The following MAGI2 variants were observed in gnomAD, a reference collection of about 807,000 sequenced individuals.
MAGI2 encodes the protein membrane-associated guanylate kinase, WW and PDZ domain-containing protein 2.
In MAGI2, 35 loss-of-function variants were observed where a neutral mutation model predicts 133.3. The ratio of observed to expected loss-of-function variants is 0.26; its 90% CI spans 0.20 to 0.35. The LOEUF is 0.35. MAGI2 is among the 10% of genes least tolerant of loss of function. The pLI is 1.00. For missense variants in MAGI2, 1,636 were observed against 1,863.4 expected (o/e 0.88, Z 2.25); for synonymous variants, 729 against 710.6 (o/e 1.03, Z -0.41).
chr7:79,129,158 T>C (rs7790925), intron 1 of MAGI2, among the ~76,000 whole-genome samples: 4,337 of 152,222 alleles, frequency 0.028, 226 homozygotes, highest in African/African-American at 0.099. Flanking sequence ...TGAGCCACCA[T>C]GAGCCTAGGT....
chr7:78,065,961 G>C (rs990755575), intron 21 of MAGI2, among the ~76,000 whole-genome samples: 1 of 152,146 alleles, frequency 6.6e-6, no homozygotes, highest in Non-Finnish European at 1.5e-5. Context: ...ATTTGAAATG[G>C]TAATATGTAA....
intron 6 of MAGI2, among the ~76,000 whole-genome samples, chr7:78,439,190 T>G (rs1787353504): frequency 6.6e-6 from 1 of 152,204 alleles, no homozygotes; most frequent in African/African-American, 2.4e-5. Context: ...GTTCCTTGGA[T>G]GTGCCTTCAT....
chr7:78,383,358 C>T (rs151095507), intron 6 of MAGI2, among the ~76,000 whole-genome samples: 23 of 152,054 alleles, frequency 1.5e-4, no homozygotes, highest in East Asian at 1.4e-3. Flanking sequence ...ATTTCTCTGA[C>T]GATTAGTGAT....
chr7:78,313,083 A>C (rs1234501989), intron 9 of MAGI2, among the ~76,000 whole-genome samples: 1 of 152,102 alleles, frequency 6.6e-6, no homozygotes, highest in Non-Finnish European at 1.5e-5. Context: ...GAGGTCCTTA[A>C]GTGAAAACTC....
At chr7:79,351,605 T>C (rs917710577) in intron 1 of MAGI2, among the ~76,000 whole-genome samples, 16 of 152,220 alleles carry the variant, frequency 1.1e-4, no homozygotes, top group Non-Finnish European at 1.3e-4. Flanking sequence ...TGAAGTAGAT[T>C]ATTTTAATTA....
intron 4 of MAGI2, among the ~76,000 whole-genome samples, chr7:78,516,474 T>A (rs1227878577): frequency 1.3e-5 from 2 of 152,174 alleles, no homozygotes; most frequent in Non-Finnish European, 2.9e-5. Flanking sequence ...CACCTAAGCC[T>A]GCCAAGGAGC....
chr7:78,532,861 A>G (rs1346540238), intron 3 of MAGI2, among the ~76,000 whole-genome samples: 2 of 152,194 alleles, frequency 1.3e-5, no homozygotes, highest in Admixed American at 1.3e-4. Flanking sequence ...CTGAATCAAT[A>G]TACTGACTAC....
At chr7:79,235,302 T>G (rs1044761463) in intron 1 of MAGI2, among the ~76,000 whole-genome samples, 4 of 152,304 alleles carry the variant, frequency 2.6e-5, no homozygotes, top group South Asian at 2.1e-4. Flanking sequence ...CAGGCCTCCT[T>G]GAGCTGTGGT....
At chr7:78,120,155 C>A (rs530593958) in intron 20 of MAGI2, among the ~76,000 whole-genome samples, 1 of 152,318 alleles carries the variant, frequency 6.6e-6, no homozygotes, top group East Asian at 1.9e-4. Flanking sequence ...GTAATCCCAG[C>A]ACTTTGGAAG....
intron 1 of MAGI2, chr7:79,414,145 T>C (rs532163614): frequency 6.6e-6 from 1 of 152,164 alleles, no homozygotes; most frequent in Non-Finnish European, 1.5e-5. Flanking sequence ...AAATTTCAAA[T>C]AAACAATCAC....
chr7:78,661,021 GTTCTATTACAGT>G (rs1178014466), intron 2 of MAGI2, among the ~76,000 whole-genome samples: 1 of 151,866 alleles, frequency 6.6e-6, no homozygotes, highest in Non-Finnish European at 1.5e-5. Context: ...CACTCCCGTC[GTTCTATTACAGT>G]TTCTACTTCT....
At chr7:78,339,630 G>T (rs1790143040) in intron 9 of MAGI2, among the ~76,000 whole-genome samples, 2 of 152,118 alleles carry the variant, frequency 1.3e-5, no homozygotes, top group South Asian at 4.1e-4. Context: ...GATGGAATTA[G>T]TCCCACAATT....
chr7:78,114,035 C>T (rs1040052587), intron 20 of MAGI2, among the ~76,000 whole-genome samples: 1 of 152,084 alleles, frequency 6.6e-6, no homozygotes, highest in East Asian at 1.9e-4. Flanking sequence ...AGCTGTGAGC[C>T]CCTGACAGGG....
intron 16 of MAGI2, among the ~76,000 whole-genome samples, chr7:78,149,772 CAG>C (rs1823691153): frequency 6.6e-6 from 1 of 152,148 alleles, no homozygotes; most frequent in Admixed American, 6.5e-5. Context: ...AGACTTATAA[CAG>C]AAGGTTTTAG....
intron 3 of MAGI2, among the ~76,000 whole-genome samples, chr7:78,555,146 A>G (rs1294064974): frequency 9.9e-6 from 1 of 100,896 alleles, no homozygotes; most frequent in Non-Finnish European, 2.5e-5. Flanking sequence ...ATAAATAAAT[A>G]AATAAATAAA....
At chr7:79,122,702 T>C (rs923055619) in intron 1 of MAGI2, among the ~76,000 whole-genome samples, 8 of 151,766 alleles carry the variant, frequency 5.3e-5, no homozygotes, top group African/African-American at 1.4e-4. Context: ...TGGAGTACAA[T>C]GGTGTGATCT....
At chr7:78,412,836 A>C (rs1176417012) in intron 6 of MAGI2, among the ~76,000 whole-genome samples, 1 of 152,126 alleles carries the variant, frequency 6.6e-6, no homozygotes, top group Non-Finnish European at 1.5e-5. Context: ...GAAATATCAC[A>C]AATGTGAACT....
At chr7:79,244,526 A>G (rs1832680420) in intron 1 of MAGI2, among the ~76,000 whole-genome samples, 1 of 152,210 alleles carries the variant, frequency 6.6e-6, no homozygotes, top group South Asian at 2.1e-4. Context: ...AACACCGAGC[A>G]GAAGTCAGTG....
intron 7 of MAGI2, among the ~76,000 whole-genome samples, chr7:78,364,836 T>C (rs777701554): frequency 2.0e-4 from 31 of 152,262 alleles, no homozygotes; most frequent in Non-Finnish European, 3.7e-4. Context: ...AAAATTTTCC[T>C]ATCTTTATGA....
Sources: allele counts gnomAD v4.1 joint callset (sites outside exome capture counted in the v4.1 genomes callset), GRCh38; gene constraint gnomAD v4.1.1; transcripts MANE v1.5; gene names NCBI Gene and HGNC (gene_info 2026-07-23, HGNC 2026-07-21).